EMG1: variants seen among roughly 807,000 people sequenced by gnomAD.
EMG1 encodes the protein ribosomal RNA small subunit methyltransferase NEP1.
In EMG1, 24 loss-of-function variants were observed where a neutral mutation model predicts 26.9. That is an observed-to-expected ratio of 0.89 (90% CI 0.65 to 1.26). The LOEUF (loss-of-function observed/expected upper bound fraction) is 1.26, where lower values mean the gene tolerates loss of function less well. Ranked by LOEUF, EMG1 falls within the 50% of genes most tolerant of loss-of-function variation. The pLI, the probability that EMG1 is intolerant of heterozygous loss-of-function variation, is 0.00. For synonymous variants in EMG1, 140 were observed against 112.6 expected, an observed-to-expected ratio of 1.24 and a Z score of -1.54; for missense variants, 299 against 307.6, an observed-to-expected ratio of 0.97 and a Z score of 0.21.
downstream of EMG1, among the ~76,000 whole-genome samples, chr12:6,984,135 A>G (rs1555154512): frequency 1.3e-5 from 2 of 152,266 alleles, no homozygotes; most frequent in African/African-American, 4.8e-5. Flanking sequence ...GACTGCATAT[A>G]TAGCAGTTAC....
rs1565596487 is a variant in EMG1, at chr12:6,978,147, C to CT, written c.*2345dup. 3 of 662,170 alleles carry CT rather than the reference C, an allele frequency of 4.5e-6. No homozygotes were observed. Among genetic ancestry groups the CT allele is most frequent in the Non-Finnish European group, 5.0e-6 (2 of 401,156 alleles). 41.0% of individuals were successfully genotyped at this position (662,170 alleles called of 1,614,324 possible). A position where few individuals can be genotyped will look rare whatever the true frequency, so the allele number is the denominator to read the frequency against. ...GTCTTAACGCACTTTTATATCTTGCCTTTTTTTCAAATATGACAGTAATGG... is the reference window on the plus strand; with the variant it reads ...GTCTTAACGCACTTTTATATCTTGCCTTTTTTTTCAAATATGACAGTAATGG... On this transcript the variant is annotated 3_prime_UTR_variant, in exon 6 of 6. Transcript: ENST00000599672.
Position 6,977,425 on chromosome 12 carries a change from A to G in EMG1, c.*1616A>G. The G allele has an allele frequency of 6.2e-7, 1 of 1,614,180 alleles. No homozygotes were observed. Among genetic ancestry groups the G allele is most frequent in the Non-Finnish European group, 8.5e-7 (1 of 1,180,032 alleles). ...GGCAGTCATGGAGTAACCCATGAAG[A>G]GCCAGTGGATGGTCTGTTGCACCAA... On this transcript the variant is annotated 3_prime_UTR_variant, in exon 6 of 6. Transcript: ENST00000599672. This position sits in a 1 kb window ranked among gnomAD's most constrained non-coding sequence, Gnocchi z 4.5.
In EMG1 at chr12:6,971,021, G is replaced by A. The variant is rs1370835199; in HGVS notation, c.98G>A (p.Gly33Glu). 1.1e-5 allele frequency: 18 copies of A among 1,611,904 alleles called. No homozygotes were observed. Among genetic ancestry groups the A allele is most frequent in the Non-Finnish European group, 1.4e-5 (16 of 1,179,042 alleles). Residue 33 changes from glycine (G) to glutamate (E), a missense_variant, in exon 1 of 6, where the codon GGG becomes GAG. By Grantham distance (98) the Gly-to-Glu change is moderately conservative. Transcript: ENST00000599672. ...CTGCCACCCAAGCGGCCCCGACTAG[G>A]GGCAGGAAACAAGATCGGAGGCCGT... ...DALPPKRPRL[G>E]AGNKIGGRRL...
intron 6 of EMG1, among the ~76,000 whole-genome samples, chr12:6,985,533 G>C (rs781889368): frequency 1.5e-4 from 23 of 151,020 alleles, no homozygotes; most frequent in African/African-American, 5.3e-4. Context: ...GGCCAACATG[G>C]TGAAACCCCA....
At chr12:6,996,844 G>C (rs782798355) in intron 7 of EMG1, among the ~76,000 whole-genome samples, 1 of 152,322 alleles carries the variant, frequency 6.6e-6, no homozygotes, top group African/African-American at 2.4e-5. Flanking sequence ...GAACAGAGAA[G>C]AGATGACGGC....
chr12:6,993,525 T>C (rs1441826468), intron 7 of EMG1, among the ~76,000 whole-genome samples: 1 of 152,204 alleles, frequency 6.6e-6, no homozygotes, highest in Non-Finnish European at 1.5e-5. Context: ...CCCATACATG[T>C]TGGCAGTCAT....
Position 6,987,881 on chromosome 12 carries a change from T to TC in EMG1, c.*211+45dup, listed in dbSNP as rs1369755768. On this transcript the variant is annotated intron_variant and NMD_transcript_variant, in intron 7 of 7. Coordinates refer to the EMG1 transcript ENST00000261406. The surrounding 1 kb of genome is among the most constrained non-coding windows in gnomAD (Gnocchi z 4.1). ...CCTGACTCTAACAAGGCCTACACTG[T>TC]CCTGAGTTCTGAGTTCTTGTGTCCA... 6 of 400,614 alleles carry TC rather than the reference T, an allele frequency of 1.5e-5. No homozygotes were observed. Among genetic ancestry groups the TC allele is most frequent in the African/African-American group, 1.2e-4 (6 of 48,698 alleles). 24.8% of individuals were successfully genotyped at this position (400,614 alleles called of 1,614,324 possible).
chr12:6,993,387 T>C (rs1419622890), intron 7 of EMG1, among the ~76,000 whole-genome samples: 1 of 151,510 alleles, frequency 6.6e-6, no homozygotes, highest in Non-Finnish European at 1.5e-5. Context: ...TGAGCTGAGA[T>C]TGCGCCACTG....
chr12:6,985,181 GGAGATC>G (rs1946509763), intron 6 of EMG1, among the ~76,000 whole-genome samples: 1 of 151,214 alleles, frequency 6.6e-6, no homozygotes, highest in Non-Finnish European at 1.5e-5. Flanking sequence ...CATGAGGACA[GGAGATC>G]GAGACTATCC....
At chr12:6,982,829 G>C (rs782661840), downstream of EMG1, 5 of 1,247,746 alleles carry the variant, frequency 4.0e-6, no homozygotes, top group Non-Finnish European at 5.9e-6. Flanking sequence ...CACTCCCACC[G>C]TCCTGAGACT....
In EMG1 at chr12:6,979,660, G is replaced by T; in HGVS notation, c.*3851G>T. 1 of 955,056 alleles carries T rather than the reference G, an allele frequency of 1.0e-6. No individual in the cohort carries two copies. Among genetic ancestry groups the T allele is most frequent in the South Asian group, 1.4e-5 (1 of 73,566 alleles). The allele number at this position is 955,056 out of a possible 1,614,324, so 59.2% of individuals were successfully genotyped here. A position where few individuals can be genotyped will look rare whatever the true frequency, so the allele number is the denominator to read the frequency against. ...CCCTCTGACCTTCAGTTATGGAGAG[G>T]AGTGTTTAGGGGTGTGGTTGTCTAC... On this transcript the variant is annotated 3_prime_UTR_variant, in exon 6 of 6. Transcript: ENST00000599672.
At chr12:6,994,112 C>T (rs935281968) in intron 7 of EMG1, among the ~76,000 whole-genome samples, 1 of 152,232 alleles carries the variant, frequency 6.6e-6, no homozygotes, top group Non-Finnish European at 1.5e-5. Context: ...GCTGCAATTA[C>T]AGGTATGAGC....
At position 6,987,285 on chromosome 12, in the gene EMG1, T is replaced by C. The variant is rs2138339001; in HGVS notation, c.*155-497T>C. On this transcript the variant is annotated intron_variant and NMD_transcript_variant, in intron 6 of 7. Transcript: ENST00000261406. The surrounding 1 kb of genome is among the most constrained non-coding windows in gnomAD (Gnocchi z 4.1). ...TAGTAAATGCCTGCTATATGCCAGG[T>C]ATTCTGTTTATGAAGCACGTAATTG... Among the ~76,000 whole-genome samples the C allele has an allele frequency of 6.6e-6, 1 of 152,294 alleles. No homozygotes were observed. Among genetic ancestry groups the C allele is most frequent in the South Asian group, 2.1e-4 (1 of 4,822 alleles).
chr12:6,990,314 C>T (rs1463199045), downstream of EMG1, among the ~76,000 whole-genome samples: 1 of 150,850 alleles, frequency 6.6e-6, no homozygotes, highest in African/African-American at 2.4e-5. Flanking sequence ...TCGAGACCAT[C>T]CTGGTTAACA....
rs782387969 is a variant in EMG1 at position 6,975,859 on chromosome 12, T to G, written c.*50T>G. 7 of 1,109,456 alleles carry G rather than the reference T, an allele frequency of 6.3e-6. No individual in the cohort carries two copies. Among genetic ancestry groups the G allele is most frequent in the Non-Finnish European group, 9.7e-6 (7 of 723,564 alleles). 68.7% of individuals were successfully genotyped at this position (1,109,456 alleles called of 1,614,324 possible). ...CAGAAACTGTTGATGTCACATCCTT[T>G]GACCCTGGTCTGAGCTGACTGCTGG... On this transcript the variant is annotated 3_prime_UTR_variant, in exon 6 of 6. Coordinates refer to ENST00000599672, the MANE Select transcript of EMG1 (RefSeq NM_006331.8).
intron 7 of EMG1, chr12:6,988,083 G>A: frequency 3.2e-6 from 1 of 311,646 alleles, no homozygotes. Context: ...AAAGCAAGGG[G>A]CTTGGGTGCT....
chr12:6,975,060 T>C (rs781974039), intron 3 of EMG1, 30 bp from the exon 4 acceptor site: 2 of 1,611,512 alleles, frequency 1.2e-6, no homozygotes, highest in South Asian at 2.2e-5. Flanking sequence ...GGTCTCCATC[T>C]AGCTCTGAAC....
chr12:6,989,213 C>T (rs1461184431), downstream of EMG1, among the ~76,000 whole-genome samples: 2 of 151,810 alleles, frequency 1.3e-5, no homozygotes, highest in South Asian at 2.1e-4. Context: ...AATTTATTAG[C>T]AGGCGAAGGA....
chr12:6,979,105 G>A lies in EMG1; in HGVS notation c.*3296G>A, dbSNP rs76427977. The A allele has an allele frequency of 3.4e-4, 101 of 301,432 alleles. No individual in the cohort carries two copies. The East Asian group carries it at 5.8e-3, about 17-fold the overall frequency. 18.7% of individuals were successfully genotyped at this position (301,432 alleles called of 1,614,324 possible). ...AAGCCAGCACTTCCCCCCTTCCCTTGGTTTCTGAATTCCCTAGAAGTGCCC... is the reference window on the plus strand; with the variant it reads ...AAGCCAGCACTTCCCCCCTTCCCTTAGTTTCTGAATTCCCTAGAAGTGCCC... On this transcript the variant is annotated 3_prime_UTR_variant, in exon 6 of 6. Coordinates refer to ENST00000599672, the MANE Select transcript of EMG1 (RefSeq NM_006331.8).
Sources: gnomAD v4.1 joint callset for allele counts (sites outside exome capture counted in the v4.1 genomes callset) on GRCh38, gnomAD v4.1.1 for gene constraint, Gnocchi (gnomAD v3.1) non-coding constraint, MANE v1.5 for transcripts, NCBI Gene and HGNC (gene_info 2026-07-23, HGNC 2026-07-21) for gene names.